The following ACP3 variants were observed in gnomAD, a reference collection of about 807,000 sequenced individuals.
The protein encoded by ACP3 is prostatic acid phosphatase.
A neutral mutation model predicts 45.6 loss-of-function variants in ACP3; 38 were observed. That is an observed-to-expected ratio of 0.83 (90% CI 0.64 to 1.09). ACP3 has a LOEUF of 1.09. Ranked by LOEUF, ACP3 falls within the 50% of genes least tolerant of loss-of-function variation. The pLI is 0.00. For synonymous variants in ACP3, 162 were observed against 164.7 expected, an observed-to-expected ratio of 0.98 and a Z score of 0.13; for missense variants, 466 against 463.2, an observed-to-expected ratio of 1.01 and a Z score of -0.05.
intron 8 of ACP3, among the ~76,000 whole-genome samples, chr3:132,351,927 C>T (rs1303716596): frequency 2.0e-5 from 3 of 152,168 alleles, no homozygotes; most frequent in African/African-American, 7.2e-5. Flanking sequence ...TTTAGCTTTA[C>T]AATTATTTTA....
At position 132,358,569 on chromosome 3, in the gene ACP3, T is replaced by TAG; in HGVS notation, c.*1694_*1695dup. 2 of 1,147,182 alleles carry TAG rather than the reference T, an allele frequency of 1.7e-6. No homozygotes were observed. The highest frequency in any genetic ancestry group is 2.2e-6 in the Non-Finnish European group (2 of 905,212). The allele number at this position is 1,147,182 out of a possible 1,614,324, so 71.1% of individuals were successfully genotyped here. A position where few individuals can be genotyped will look rare whatever the true frequency, so the allele number is the denominator to read the frequency against. On this transcript the variant is annotated 3_prime_UTR_variant, in exon 10 of 10. Coordinates refer to ENST00000336375, the MANE Select transcript of ACP3 (RefSeq NM_001099.5). ...ATGGTTTCTACTGGCTGCCAGAATC[T>TAG]AGAGCAAAGCCATCCCCGCTCCTGG... is the stretch of plus-strand genomic sequence containing the variant.
intron 7 of ACP3, among the ~76,000 whole-genome samples, chr3:132,346,931 C>T (rs1937616588): frequency 6.6e-6 from 1 of 152,190 alleles, no homozygotes; most frequent in South Asian, 2.1e-4. Context: ...ATGCTTTATA[C>T]CAGACAGGAG....
chr3:132,323,648 A>G (rs1366685742), intron 1 of ACP3, among the ~76,000 whole-genome samples: 1 of 152,182 alleles, frequency 6.6e-6, no homozygotes, highest in Non-Finnish European at 1.5e-5. Context: ...ACAGGACATC[A>G]AGAGCAAAGG....
At position 132,365,182 on chromosome 3, in the gene ACP3, C is replaced by A. The variant is rs527703924; in HGVS notation, c.1139-2522C>A. On this transcript the variant is annotated intron_variant, in intron 10 of 10. Transcript: ENST00000351273. ...TCAGTGCTTGAGATACATTCATGAA[C>A]AAAAAAGACAAAAGTTCCTGCCTTT... Among the ~76,000 whole-genome samples, 120 of 152,220 alleles carry A rather than the reference C, an allele frequency of 7.9e-4. 1 individual carries two copies. Among genetic ancestry groups the A allele is most frequent in the African/African-American group, 2.7e-3 (114 of 41,534 alleles).
intron 1 of ACP3, among the ~76,000 whole-genome samples, chr3:132,324,444 AG>A (rs1937260621): frequency 2.0e-5 from 3 of 152,072 alleles, no homozygotes; most frequent in Admixed American, 2.0e-4. Context: ...ATGGGGAAAC[AG>A]TGGGCCAACT....
chr3:132,325,189 C>T (rs1937275699), intron 1 of ACP3, among the ~76,000 whole-genome samples: 1 of 152,286 alleles, frequency 6.6e-6, no homozygotes, highest in East Asian at 1.9e-4. Context: ...TCAAGGAACA[C>T]CAGCTTCACA....
chr3:132,320,615 A>G (rs1937188960), intron 1 of ACP3, among the ~76,000 whole-genome samples: 1 of 151,336 alleles, frequency 6.6e-6, no homozygotes, highest in African/African-American at 2.4e-5. Flanking sequence ...GACTTTCTTC[A>G]TGCAGAATTC....
At chr3:132,354,761 G>C (rs1000534322) in intron 9 of ACP3, among the ~76,000 whole-genome samples, 1 of 152,196 alleles carries the variant, frequency 6.6e-6, no homozygotes, top group African/African-American at 2.4e-5. Context: ...TTTTGGGTTA[G>C]ATACAGAGAT....
intron 1 of ACP3, among the ~76,000 whole-genome samples, chr3:132,326,124 T>C (rs1937294604): frequency 6.6e-6 from 1 of 152,088 alleles, no homozygotes; most frequent in Non-Finnish European, 1.5e-5. Flanking sequence ...CCTTTTTCAG[T>C]TGTCACAGCT....
At chr3:132,328,064 G>A (rs1385847982) in intron 1 of ACP3, among the ~76,000 whole-genome samples, 1 of 152,094 alleles carries the variant, frequency 6.6e-6, no homozygotes, top group Non-Finnish European at 1.5e-5. Context: ...AAATCCTGAT[G>A]TCCTGGCCAC....
intron 8 of ACP3, among the ~76,000 whole-genome samples, chr3:132,351,563 T>C (rs2107814187): frequency 6.6e-6 from 1 of 152,314 alleles, no homozygotes; most frequent in East Asian, 1.9e-4. Context: ...GAGCCCTAAA[T>C]GGTATAGACT....
chr3:132,323,955 C>T (rs990888152), intron 1 of ACP3, among the ~76,000 whole-genome samples: 12 of 152,304 alleles, frequency 7.9e-5, no homozygotes, highest in Admixed American at 2.6e-4. Flanking sequence ...CAGTGGCTCA[C>T]GCCTGTAATC....
intron 4 of ACP3, 164 bp downstream of exon 4, chr3:132,332,508 T>G (rs923320558): frequency 5.9e-6 from 5 of 854,552 alleles, no homozygotes; most frequent in Non-Finnish European, 8.7e-6. Context: ...TGGAAAACCC[T>G]AGCTAAGAGA....
At chr3:132,335,665 A>G (rs1289541467) in intron 4 of ACP3, among the ~76,000 whole-genome samples, 2 of 152,216 alleles carry the variant, frequency 1.3e-5, no homozygotes, top group Non-Finnish European at 2.9e-5. Context: ...CAGGATGGCT[A>G]GAAGAGGGGT....
At chr3:132,328,216 C>A (rs1300167703) in intron 1 of ACP3, 51 bp from the exon 2 acceptor site, 2 of 1,472,950 alleles carry the variant, frequency 1.4e-6, no homozygotes, top group East Asian at 2.3e-5. Flanking sequence ...TGAGCAGAAG[C>A]AAAACACCCA....
downstream of ACP3, among the ~76,000 whole-genome samples, chr3:132,363,736 G>A (rs1264382080): frequency 6.6e-6 from 1 of 151,058 alleles, no homozygotes; most frequent in East Asian, 2.0e-4. Context: ...TCAGGAGTTC[G>A]AGACCAGCCT....
chr3:132,334,708 G>T (rs989736547), intron 4 of ACP3, among the ~76,000 whole-genome samples: 1 of 152,142 alleles, frequency 6.6e-6, no homozygotes, highest in Non-Finnish European at 1.5e-5. Context: ...TTCATATTTA[G>T]AAAGAGAATG....
intron 7 of ACP3, among the ~76,000 whole-genome samples, chr3:132,345,483 A>G (rs1270888328): frequency 1.3e-5 from 2 of 152,210 alleles, no homozygotes; most frequent in Non-Finnish European, 2.9e-5. Context: ...TGAATTTTTC[A>G]AGTGGGAGGT....
intron 8 of ACP3, 108 bp downstream of exon 8, chr3:132,350,110 G>T: frequency 1.4e-6 from 1 of 727,272 alleles, no homozygotes; most frequent in South Asian, 1.7e-5. Flanking sequence ...CCTTGTACGT[G>T]GTAGGCACTT....
Sources: gnomAD v4.1 joint callset for allele counts (sites outside exome capture counted in the v4.1 genomes callset) on GRCh38, gnomAD v4.1.1 for gene constraint, MANE v1.5 for transcripts, NCBI Gene and HGNC (gene_info 2026-07-23, HGNC 2026-07-21) for gene names.